STX8: variants seen among roughly 807,000 people sequenced by gnomAD.
STX8 encodes syntaxin 8, also known as syntaxin-8.
Under a neutral mutation model 37.5 loss-of-function variants are expected in STX8, and 23 were observed. The ratio of observed to expected loss-of-function variants is 0.61; its 90% CI spans 0.44 to 0.87. STX8 has a LOEUF of 0.87. STX8 is among the 40% of genes least tolerant of loss of function. STX8 has a pLI of 0.00. For missense variants in STX8, 313 were observed against 284.7 expected, an observed-to-expected ratio of 1.10 and a Z score of -0.71; for synonymous variants, 115 against 99.1, an observed-to-expected ratio of 1.16 and a Z score of -0.95.
Position 9,413,929 on chromosome 17 carries a change from C to T in STX8, c.542-35276G>A, listed in dbSNP as rs192962799. On this transcript the variant is annotated intron_variant, in intron 6 of 7. Transcript: ENST00000306357. The stretch of plus-strand genomic sequence containing the variant: ...ATCCGTCCATCTAACCGTCCATCCA[C>T]CCATCCGCCCACCCACCTATCCACT... 2.3e-3 allele frequency among the ~76,000 whole-genome samples: 343 copies of T among 146,202 alleles called. 8 individuals are homozygous for T. The highest frequency in any genetic ancestry group is 4.4e-4 in the Non-Finnish European group (29 of 66,128).
chr17:9,339,070 C>CAAAA (rs34987749), intron 7 of STX8, among the ~76,000 whole-genome samples: 16 of 69,954 alleles, frequency 2.3e-4, no homozygotes, highest in East Asian at 9.9e-4. Context: ...GACTCCGTCT[C>CAAAA]AAAAAAAAAA....
At chr17:9,563,135 T>C (rs1174508916) in intron 2 of STX8, among the ~76,000 whole-genome samples, 1 of 150,442 alleles carries the variant, frequency 6.6e-6, no homozygotes, top group Non-Finnish European at 1.5e-5. Flanking sequence ...AGAGTATCTG[T>C]CATTCATTCA....
chr17:9,533,793 C>T (rs578241935), intron 4 of STX8, among the ~76,000 whole-genome samples: 67 of 152,296 alleles, frequency 4.4e-4, no homozygotes, highest in South Asian at 1.4e-3. Flanking sequence ...AGGGTTGATA[C>T]AGACACTACA....
chr17:9,575,801 G>A lies in STX8; in HGVS notation c.8C>T (p.Pro3Leu), dbSNP rs867008905. The change falls in exon 1 of 8, where the codon CCG becomes CTG. Residue 3 changes from proline (P) to leucine (L), a missense_variant. Physicochemically the swap from Pro to Leu is moderately conservative, Grantham distance 98. Coordinates refer to ENST00000306357, the MANE Select transcript of STX8 (RefSeq NM_004853.3). MAPDPWFSTYDST... is the reference protein window; with the variant it reads MALDPWFSTYDST... ...CTCACCCGGGACTCACCAGGGGTCC[G>A]GTGCCATCCTGCAGACTCCGCCCGC... is the stretch of plus-strand genomic sequence containing the variant. 1.9e-6 allele frequency: 3 copies of A among 1,542,694 alleles called. No individual in the cohort carries two copies. Among genetic ancestry groups the A allele is most frequent in the Non-Finnish European group, 2.6e-6 (3 of 1,146,408 alleles).
At position 9,261,032 on chromosome 17, in the gene STX8, A is replaced by G. The variant is rs555525820; in HGVS notation, c.644-10387T>C. Among the ~76,000 whole-genome samples, 8 of 152,330 alleles carry G rather than the reference A, an allele frequency of 5.3e-5. No individual in the cohort carries two copies. The South Asian group carries it at 1.7e-3, about 32-fold the overall frequency. On this transcript the variant is annotated intron_variant, in intron 7 of 7. Transcript: ENST00000306357. Reference sequence around the variant, plus strand: ...GGTGGGGGTTGGGATGAGAGAAAAAAAGGACTGGTCTAGAAGCAGGAAATT... The same window carrying G: ...GGTGGGGGTTGGGATGAGAGAAAAAGAGGACTGGTCTAGAAGCAGGAAATT...
intron 7 of STX8, among the ~76,000 whole-genome samples, chr17:9,288,030 G>A (rs1377490058): frequency 7.3e-6 from 1 of 137,742 alleles, no homozygotes; most frequent in Non-Finnish European, 1.5e-5. Flanking sequence ...TTACAGGTGT[G>A]AGCCACCATG....
At chr17:9,473,475 T>C (rs1009709354) in intron 6 of STX8, among the ~76,000 whole-genome samples, 9 of 152,296 alleles carry the variant, frequency 5.9e-5, no homozygotes, top group Non-Finnish European at 2.9e-5. Context: ...AAGTCCCATA[T>C]ATAAAATGGT....
At chr17:9,494,305 GC>G (rs1906997185) in intron 5 of STX8, among the ~76,000 whole-genome samples, 1 of 148,464 alleles carries the variant, frequency 6.7e-6, no homozygotes. Context: ...GTGAGCCACC[GC>G]CCCCGGCCCC....
At chr17:9,534,329 C>G (rs1332903245) in intron 4 of STX8, among the ~76,000 whole-genome samples, 2 of 150,178 alleles carry the variant, frequency 1.3e-5, no homozygotes, top group African/African-American at 5.0e-5. Flanking sequence ...TGAAAAATGC[C>G]TTGGAGAAAC....
intron 7 of STX8, among the ~76,000 whole-genome samples, chr17:9,342,233 G>C (rs1482400326): frequency 6.6e-6 from 1 of 152,086 alleles, no homozygotes; most frequent in East Asian, 1.9e-4. Flanking sequence ...GGTAATGCTC[G>C]CTCAACCACC....
intron 7 of STX8, among the ~76,000 whole-genome samples, chr17:9,339,748 T>C (rs192423586): frequency 2.5e-3 from 379 of 152,312 alleles, no homozygotes; most frequent in Non-Finnish European, 3.1e-3. Context: ...GACAGGAATG[T>C]GCCCGGCTTC....
chr17:9,377,061 C>A (rs1229599882), intron 7 of STX8, among the ~76,000 whole-genome samples: 1 of 152,056 alleles, frequency 6.6e-6, no homozygotes, highest in African/African-American at 2.4e-5. Flanking sequence ...TACCTCTGAG[C>A]TTGCAGAGTC....
intron 7 of STX8, among the ~76,000 whole-genome samples, chr17:9,296,107 G>A (rs547249940): frequency 9.9e-5 from 15 of 151,966 alleles, no homozygotes; most frequent in African/African-American, 2.4e-4. Context: ...GGAGAATGGC[G>A]CGAACCCGGG....
rs577821354 is a variant in STX8, at chr17:9,565,029, A to T, written c.117+3342T>A. Among the ~76,000 whole-genome samples, 3 of 151,628 alleles carry T rather than the reference A, an allele frequency of 2.0e-5. No homozygotes were observed. In the South Asian group the frequency reaches 6.3e-4, roughly 32 times the overall value. ...TCGAGATCAACCTGGCCAACATGAC[A>T]AGAGCCCATCTCTACTAAAACTACA... On this transcript the variant is annotated intron_variant, in intron 2 of 7. Transcript: ENST00000306357.
At chr17:9,428,579 T>C (rs543766648) in intron 6 of STX8, among the ~76,000 whole-genome samples, 1 of 152,344 alleles carries the variant, frequency 6.6e-6, no homozygotes, top group South Asian at 2.1e-4. Context: ...GTGTTCACCC[T>C]GAGTGGATCA....
At chr17:9,524,305 T>C (rs763532409) in intron 4 of STX8, among the ~76,000 whole-genome samples, 1 of 152,172 alleles carries the variant, frequency 6.6e-6, no homozygotes, top group Non-Finnish European at 1.5e-5. Context: ...CAACAGAAAT[T>C]TACTGCTCAC....
At chr17:9,498,851 G>A (rs759413418) in intron 5 of STX8, among the ~76,000 whole-genome samples, 1 of 152,194 alleles carries the variant, frequency 6.6e-6, no homozygotes, top group Non-Finnish European at 1.5e-5. Flanking sequence ...CAAGGTCTGC[G>A]ATCCCACTCA....
At chr17:9,504,893 G>T in intron 5 of STX8, 145 bp downstream of exon 5, 1 of 778,492 alleles carries the variant, frequency 1.3e-6, no homozygotes, top group Non-Finnish European at 1.9e-6. Flanking sequence ...AGAATCGTTT[G>T]AACCCGGGAG....
chr17:9,542,248 C>T (rs979754031), intron 4 of STX8, among the ~76,000 whole-genome samples: 1 of 151,998 alleles, frequency 6.6e-6, no homozygotes, highest in African/African-American at 2.4e-5. Flanking sequence ...ATCCCAGCTA[C>T]TCGGGAGGCT....
Sources: allele counts gnomAD v4.1 joint callset (sites outside exome capture counted in the v4.1 genomes callset), GRCh38; gene constraint gnomAD v4.1.1; transcripts MANE v1.5; gene names NCBI Gene and HGNC (gene_info 2026-07-23, HGNC 2026-07-21).